The following TENM2 variants were observed in gnomAD, a reference collection of about 807,000 sequenced individuals.
The protein encoded by TENM2 is teneurin transmembrane protein 2, also known as teneurin-2.
TENM2 carries 52 observed loss-of-function variants against 245.2 expected under a neutral mutation model. That is an observed-to-expected ratio of 0.21 (90% CI 0.17 to 0.27). The LOEUF (loss-of-function observed/expected upper bound fraction) is 0.27, where lower values mean the gene tolerates loss of function less well. Among genes scored for constraint, TENM2 ranks in the 10% least tolerant of loss-of-function variants. The probability of loss-of-function intolerance (pLI) is 1.00; values close to 1 mark genes in which losing one functional copy is unlikely to be tolerated. For missense variants in TENM2, 3,046 were observed against 3,666.8 expected, an observed-to-expected ratio of 0.83 and a Z score of 4.37; for synonymous variants, 1,363 against 1,438.9, an observed-to-expected ratio of 0.95 and a Z score of 1.19.
chr5:167,663,141 G>GGAGAGAGAGAGAGAGAGAGAGAGAGA (rs544699415), intron 2 of TENM2, among the ~76,000 whole-genome samples: 4 of 108,474 alleles, frequency 3.7e-5, no homozygotes, highest in Non-Finnish European at 5.6e-5. Context: ...ATGGGGATGG[G>GGAGAGAGAGAGAGAGAGAGAGAGAGA]GAGAGAGAGA....
chr5:167,735,161 G>C (rs2150570984), intron 2 of TENM2, among the ~76,000 whole-genome samples: 1 of 152,136 alleles, frequency 6.6e-6, no homozygotes, highest in East Asian at 1.9e-4. Context: ...TTATATGTCT[G>C]GCAGCCACAT....
At chr5:168,149,699 T>A (rs1372079098) in intron 12 of TENM2, among the ~76,000 whole-genome samples, 1 of 152,154 alleles carries the variant, frequency 6.6e-6, no homozygotes, top group African/African-American at 2.4e-5. Flanking sequence ...AGGGAGCCTT[T>A]AAAAACTCAT....
chr5:167,635,631 G>GTTTTTTTTTTTT (rs1561623173), intron 2 of TENM2, among the ~76,000 whole-genome samples: 2 of 90,988 alleles, frequency 2.2e-5, no homozygotes, highest in African/African-American at 5.9e-5. Flanking sequence ...GATCAGTACA[G>GTTTTTTTTTTTT]TCTTTTTTTT....
At chr5:167,654,502 C>T (rs1209999271) in intron 2 of TENM2, among the ~76,000 whole-genome samples, 3 of 151,916 alleles carry the variant, frequency 2.0e-5, no homozygotes, top group African/African-American at 7.3e-5. Context: ...TAGGCGAACT[C>T]GAAAGAATTT....
chr5:167,400,524 C>T (rs751594324), intron 2 of TENM2, among the ~76,000 whole-genome samples: 231 of 152,006 alleles, frequency 1.5e-3, no homozygotes, highest in Non-Finnish European at 2.4e-3. Flanking sequence ...TGGAAATAGG[C>T]ACTTGGAAAT....
intron 3 of TENM2, among the ~76,000 whole-genome samples, chr5:167,923,794 G>A (rs921760902): frequency 1.3e-5 from 2 of 152,128 alleles, no homozygotes; most frequent in Non-Finnish European, 2.9e-5. Flanking sequence ...CTCTCGGGAA[G>A]GAAGCCTAGT....
chr5:167,616,093 G>A (rs11743417), intron 2 of TENM2, among the ~76,000 whole-genome samples: 77,237 of 151,930 alleles, frequency 0.51, 22,716 homozygotes, highest in Middle Eastern at 0.67. Flanking sequence ...TTTTAATGCC[G>A]GAGGTTTACC....
intron 2 of TENM2, among the ~76,000 whole-genome samples, chr5:167,869,339 T>C (rs1318593240): frequency 6.6e-6 from 1 of 152,216 alleles, no homozygotes; most frequent in African/African-American, 2.4e-5. Context: ...AATTTGAGTG[T>C]AAGGCGACTC....
intron 2 of TENM2, among the ~76,000 whole-genome samples, chr5:167,661,751 G>C (rs377052924): frequency 4.6e-5 from 7 of 152,346 alleles, no homozygotes; most frequent in African/African-American, 1.4e-4. Flanking sequence ...GGCTTGCCTA[G>C]AGTCAGTGGT....
the TENM2 span, among the ~76,000 whole-genome samples, chr5:167,066,629 A>G: frequency 9.6e-5 from 14 of 145,880 alleles, no homozygotes; most frequent in African/African-American, 3.6e-4. Context: ...AGAATTTTAT[A>G]TATGTCCTTA....
chr5:167,459,941 CACACACACAA>C (rs1766191599), intron 2 of TENM2, among the ~76,000 whole-genome samples: 1 of 151,860 alleles, frequency 6.6e-6, no homozygotes, highest in Non-Finnish European at 1.5e-5. Context: ...CACACGCACA[CACACACACAA>C]CACACACTCA....
At chr5:167,519,099 A>G (rs1345665429) in intron 2 of TENM2, among the ~76,000 whole-genome samples, 4 of 152,138 alleles carry the variant, frequency 2.6e-5, no homozygotes, top group Non-Finnish European at 5.9e-5. Context: ...CCCCTTTACT[A>G]CAGACCATAG....
chr5:167,866,461 G>GCACTC (rs553397073), intron 2 of TENM2, among the ~76,000 whole-genome samples: 62 of 145,954 alleles, frequency 4.2e-4, no homozygotes, highest in African/African-American at 1.5e-3. Flanking sequence ...TGGCACCACT[G>GCACTC]CACTCCAGCC....
the TENM2 span, among the ~76,000 whole-genome samples, chr5:167,063,391 A>G: frequency 3.3e-5 from 5 of 152,222 alleles, no homozygotes; most frequent in African/African-American, 1.2e-4. Context: ...CAAAAGCATT[A>G]ACGAGGAAGT....
At chr5:167,220,499 TA>T in the TENM2 span, among the ~76,000 whole-genome samples, 1 of 152,210 alleles carries the variant, frequency 6.6e-6, no homozygotes, top group African/African-American at 2.4e-5. Flanking sequence ...ACATGTATAA[TA>T]AACCTATTAG....
At chr5:168,126,655 G>A (rs181710486) in intron 11 of TENM2, 99 bp from the exon 14 acceptor site, 15 of 921,896 alleles carry the variant, frequency 1.6e-5, no homozygotes, top group Middle Eastern at 6.9e-4. Flanking sequence ...GCTGGGCCTC[G>A]GGGCCTGCTC....
At chr5:167,413,057 C>G (rs1762989023) in intron 2 of TENM2, among the ~76,000 whole-genome samples, 1 of 152,062 alleles carries the variant, frequency 6.6e-6, no homozygotes, top group Middle Eastern at 3.2e-3. Flanking sequence ...TACTAGTTAT[C>G]TAGAAACATT....
intron 2 of TENM2, among the ~76,000 whole-genome samples, chr5:167,461,720 C>A (rs190195141): frequency 6.6e-6 from 1 of 152,236 alleles, no homozygotes; most frequent in East Asian, 1.9e-4. Flanking sequence ...GGCTCTATGT[C>A]AAATAAATAA....
chr5:167,872,350 GAAA>G, intron 2 of TENM2, among the ~76,000 whole-genome samples: 1 of 95,284 alleles, frequency 1.0e-5, no homozygotes, highest in East Asian at 2.5e-4. Context: ...AAGAAAGAAA[GAAA>G]GGAAAGAGAA....
Sources: allele counts gnomAD v4.1 joint callset (sites outside exome capture counted in the v4.1 genomes callset), GRCh38; gene constraint gnomAD v4.1.1; transcripts MANE v1.5; gene names NCBI Gene and HGNC (gene_info 2026-07-23, HGNC 2026-07-21).